INTS2: variants seen among roughly 807,000 people sequenced by gnomAD.
INTS2 encodes integrator complex subunit 2.
A neutral mutation model predicts 139.6 loss-of-function variants in INTS2; 57 were observed. The ratio of observed to expected loss-of-function variants is 0.41; its 90% confidence interval spans 0.33 to 0.51. The LOEUF is 0.51. Ranked by LOEUF, INTS2 falls within the 20% of genes least tolerant of loss-of-function variation. The pLI is 0.28. For synonymous variants in INTS2, 473 were observed against 493.4 expected, an observed-to-expected ratio of 0.96 and a Z score of 0.55; for missense variants, 1,196 against 1,436.7, an observed-to-expected ratio of 0.83 and a Z score of 2.71.
Position 61,897,630 on chromosome 17 carries a change from GA to G in INTS2, c.1379+37del. Reference sequence around the variant, plus strand: ...TATGAATTTTCCAAAGAGAGAAGAAGAAAAGCTTTCTCAACTAACTAAATCA... The same window carrying G: ...TATGAATTTTCCAAAGAGAGAAGAAGAAAGCTTTCTCAACTAACTAAATCA... On this transcript the variant is annotated intron_variant, in intron 10 of 24. Coordinates refer to ENST00000251334, the MANE Select transcript of INTS2 (RefSeq NM_001351695.2). The surrounding 1 kb of genome is among the most constrained non-coding windows in gnomAD (Gnocchi z 4.4). The G allele has an allele frequency of 6.3e-7, 1 of 1,583,950 alleles. No individual in the cohort carries two copies. Among genetic ancestry groups the G allele is most frequent in the Non-Finnish European group, 8.6e-7 (1 of 1,161,692 alleles).
Position 61,885,001 on chromosome 17 carries a change from G to A in INTS2, c.1989C>T (p.Ala663=), listed in dbSNP as rs1393616414. The A allele has an allele frequency of 1.3e-6, 2 of 1,577,246 alleles. No homozygotes were observed. Among genetic ancestry groups the A allele is most frequent in the East Asian group, 2.3e-5 (1 of 44,412 alleles). ...AATATGATTTGGGCTTTCTTTGCAT[G>A]GCAGCTATCAAAGATAAAAAGTGTA... The part of the protein sequence containing the change: ...ALLANTKTLA[A]MQRKPKSYSS... The change falls in exon 16 of 25, where the codon GCC becomes GCT. Residue 663 remains alanine, a synonymous_variant. Coordinates refer to ENST00000251334, the MANE Select transcript of INTS2 (RefSeq NM_001351695.2).
Position 61,867,904 on chromosome 17 carries a change from A to T in INTS2, c.3350T>A (p.Leu1117Gln). The change falls in exon 24 of 25, where the codon CTG becomes CAG. Residue 1117 changes from leucine to glutamine, a missense_variant. Physicochemically the swap from Leu to Gln is moderately radical, Grantham distance 113. Coordinates refer to ENST00000251334, the MANE Select transcript of INTS2 (RefSeq NM_001351695.2). The surrounding 1 kb of genome is among the most constrained non-coding windows in gnomAD (Gnocchi z 5.6). ...GGCACAAACTTGCCCTATTTGGATC[A>T]GCAAAGACATAATATCCTCATACAA... ...PPLYEDIMSLLIQIGQVCASD... is the reference protein window; with the variant it reads ...PPLYEDIMSLQIQIGQVCASD... 6.2e-7 allele frequency: 1 copy of T among 1,612,528 alleles called. No homozygotes were observed. Among genetic ancestry groups the T allele is most frequent in the Non-Finnish European group, 8.5e-7 (1 of 1,179,432 alleles).
chr17:61,884,070 T>A (rs2079202800), intron 16 of INTS2, among the ~76,000 whole-genome samples: 1 of 151,834 alleles, frequency 6.6e-6, no homozygotes, highest in Admixed American at 6.6e-5. Flanking sequence ...CTTAACAGGA[T>A]TTATAGTAAA....
At position 61,872,173 on chromosome 17, in the gene INTS2, A is replaced by G; in HGVS notation, c.2778+92T>C. The G allele has an allele frequency of 1.5e-6, 1 of 676,190 alleles. No homozygotes were observed. The allele number at this position is 676,190 out of a possible 1,614,324, so 41.9% of individuals were successfully genotyped here. On this transcript the variant is annotated intron_variant, in intron 20 of 24. Transcript: ENST00000251334. The surrounding 1 kb of genome is among the most constrained non-coding windows in gnomAD (Gnocchi z 4.8). The stretch of plus-strand genomic sequence containing the variant: ...AATGCACAATATGTCACCAATGTAC[A>G]TGGAGCGCACAATGTGCCATCTATT...
Position 61,871,030 on chromosome 17 carries a change from G to A in INTS2, c.2779-1042C>T, listed in dbSNP as rs1027368912. Among the ~76,000 whole-genome samples, 1 of 152,138 alleles carries A rather than the reference G, an allele frequency of 6.6e-6. No individual in the cohort carries two copies. The highest frequency in any genetic ancestry group is 2.4e-5 in the African/African-American group (1 of 41,420). On this transcript the variant is annotated intron_variant, in intron 20 of 24. Coordinates refer to ENST00000251334, the MANE Select transcript of INTS2 (RefSeq NM_001351695.2). The surrounding 1 kb of genome is among the most constrained non-coding windows in gnomAD (Gnocchi z 4.9). ...AACTTAGGCTAGCACCTACCATATG[G>A]TAAGCACTACACAGATGTTAGCTTT...
chr17:61,891,698 G>C lies in INTS2; in HGVS notation c.1699-9C>G, dbSNP rs1567900196. On this transcript the variant is annotated splice_polypyrimidine_tract_variant and intron_variant, in intron 13 of 24. Coordinates refer to ENST00000251334, the MANE Select transcript of INTS2 (RefSeq NM_001351695.2). ...TGTCTATAAATCCAATCCTAAGAAA[G>C]AATGTTATAGACACTGAATTAATTG... is the stretch of plus-strand genomic sequence containing the variant. 2 of 1,594,182 alleles carry C rather than the reference G, an allele frequency of 1.3e-6. No homozygotes were observed. Among genetic ancestry groups the C allele is most frequent in the Non-Finnish European group, 1.7e-6 (2 of 1,169,162 alleles).
chr17:61,892,589 C>G (rs2079306017), intron 13 of INTS2, among the ~76,000 whole-genome samples: 1 of 151,850 alleles, frequency 6.6e-6, no homozygotes, highest in South Asian at 2.1e-4. Flanking sequence ...ACCAGGAGTT[C>G]AAGACCAGAC....
chr17:61,924,836 A>C (rs2079692143), intron 3 of INTS2, 125 bp downstream of exon 3: 3 of 958,492 alleles, frequency 3.1e-6, no homozygotes, highest in Non-Finnish European at 4.6e-6. Context: ...TCTCCAAAAA[A>C]AAAGAACAAA....
intron 7 of INTS2, among the ~76,000 whole-genome samples, chr17:61,908,005 T>C (rs1259996763): frequency 1.3e-5 from 2 of 152,220 alleles, no homozygotes; most frequent in African/African-American, 4.8e-5. Flanking sequence ...GCTCTACTAT[T>C]AGACGATTAT....
At chr17:61,903,037 C>T (rs1255222329) in intron 9 of INTS2, among the ~76,000 whole-genome samples, 4 of 150,716 alleles carry the variant, frequency 2.7e-5, no homozygotes, top group Non-Finnish European at 5.9e-5. Flanking sequence ...TGGTGGCAGG[C>T]TCCTGTAGTC....
Position 61,893,831 on chromosome 17 carries a change from C to T in INTS2, c.1632G>A (p.Leu544=). 1 of 1,583,408 alleles carries T rather than the reference C, an allele frequency of 6.3e-7. No homozygotes were observed. Among genetic ancestry groups the T allele is most frequent in the South Asian group, 1.2e-5 (1 of 86,454 alleles). Residue 544 remains leucine (L), a synonymous_variant, in exon 13 of 25, where the codon TTG becomes TTA. Coordinates refer to ENST00000251334, the MANE Select transcript of INTS2 (RefSeq NM_001351695.2). This position sits in a 1 kb window ranked among gnomAD's most constrained non-coding sequence, Gnocchi z 5.4. ...GAAGCTGGTAAATACAATGAATAGG[C>T]AAAAATCCAGTAATGTTGGCACTCA... ...SNLSANITGF[L]PIHCIYQLLR...
At chr17:61,910,166 T>C (rs1330182998) in intron 7 of INTS2, 1 of 152,178 alleles carries the variant, frequency 6.6e-6, no homozygotes, top group Non-Finnish European at 1.5e-5. Flanking sequence ...TATAATTCCA[T>C]TTACTTCAGG....
Position 61,911,618 on chromosome 17 carries a change from C to T in INTS2, c.856G>A (p.Gly286Arg). The change falls in exon 7 of 25, where the codon GGA (glycine) becomes AGA (arginine). Residue 286 changes from glycine to arginine, a missense_variant. Around this residue, in one of 3 missense-constraint regions of INTS2, gnomAD observed 1,129 missense variants for 1,341.9 expected, o/e 0.84. Transcript: ENST00000251334. ...DHTKNEACED[G>R]VSDLVCFVSG... ...ACAAAACAAACCAAGTCACTCACTC[C>T]ATCCTCACAAGCTTCATTTTTAGTA... 1 of 1,613,840 alleles carries T rather than the reference C, an allele frequency of 6.2e-7. No individual in the cohort carries two copies.
At position 61,867,312 on chromosome 17, in the gene INTS2, G is replaced by GA. The variant is rs1046907989; in HGVS notation, c.*244dup. ...GAGTTTCTTACATGTGTTCCCAGTGGAAAAAAAAAAAGCTCAGCTGCTACA... is the reference window on the plus strand; with the variant it reads ...GAGTTTCTTACATGTGTTCCCAGTGGAAAAAAAAAAAAGCTCAGCTGCTACA... On this transcript the variant is annotated 3_prime_UTR_variant, in exon 25 of 25. Coordinates refer to ENST00000251334, the MANE Select transcript of INTS2 (RefSeq NM_001351695.2). The surrounding 1 kb of genome is among the most constrained non-coding windows in gnomAD (Gnocchi z 5.6). 6,503 of 236,402 alleles carry GA rather than the reference G, an allele frequency of 0.028. No homozygotes were observed. Among genetic ancestry groups the GA allele is most frequent in the Middle Eastern group, 0.056 (47 of 842 alleles). The allele number at this position is 236,402 out of a possible 1,614,324, so 14.6% of individuals were successfully genotyped here.
Position 61,875,096 on chromosome 17 carries a change from C to T in INTS2, c.2457-58G>A. On this transcript the variant is annotated intron_variant, in intron 18 of 24. Transcript: ENST00000251334. This position sits in a 1 kb window ranked among gnomAD's most constrained non-coding sequence, Gnocchi z 4.6. The stretch of plus-strand genomic sequence containing the variant: ...TTTTTTATATATTAAAATCTGTAGC[C>T]ATCCAGTCCTTTCTATCTTAGAAAG... The T allele has an allele frequency of 8.0e-7, 1 of 1,246,232 alleles. No homozygotes were observed. The highest frequency in any genetic ancestry group is 1.8e-5 in the South Asian group (1 of 54,064). 77.2% of individuals were successfully genotyped at this position (1,246,232 alleles called of 1,614,324 possible).
At chr17:61,902,236 C>A (rs1484138548) in intron 9 of INTS2, among the ~76,000 whole-genome samples, 1 of 152,108 alleles carries the variant, frequency 6.6e-6, no homozygotes, top group Non-Finnish European at 1.5e-5. Context: ...TTGTCCTAGG[C>A]ATTCAGTAAG....
intron 5 of INTS2, among the ~76,000 whole-genome samples, chr17:61,918,770 T>C (rs554013261): frequency 6.6e-6 from 1 of 152,336 alleles, no homozygotes; most frequent in African/African-American, 2.4e-5. Flanking sequence ...TTTATACTTC[T>C]CTGTAAACTG....
At chr17:61,905,724 T>A (rs2143071766) in intron 8 of INTS2, among the ~76,000 whole-genome samples, 1 of 151,972 alleles carries the variant, frequency 6.6e-6, no homozygotes, top group Non-Finnish European at 1.5e-5. Context: ...AGAGATGGAG[T>A]TTCACTCTTA....
chr17:61,912,594 C>G (rs1228136576), intron 5 of INTS2, among the ~76,000 whole-genome samples: 1 of 151,928 alleles, frequency 6.6e-6, no homozygotes, highest in Non-Finnish European at 1.5e-5. Flanking sequence ...TACACTCCAG[C>G]CTGGGGCGAC....
Sources: gnomAD v4.1 joint callset for allele counts (sites outside exome capture counted in the v4.1 genomes callset) on GRCh38, gnomAD v4.1.1 for gene constraint, gnomAD v4.1.1 regional missense constraint, Gnocchi (gnomAD v3.1) non-coding constraint, MANE v1.5 for transcripts, NCBI Gene and HGNC (gene_info 2026-07-23, HGNC 2026-07-21) for gene names.